STIM1: variants seen among roughly 807,000 people sequenced by gnomAD.
STIM1 encodes the protein stromal interaction molecule 1.
STIM1 carries 25 observed loss-of-function variants against 74.7 expected under a neutral mutation model. That is an observed-to-expected ratio of 0.33 (90% confidence interval 0.24 to 0.47). The LOEUF (loss-of-function observed/expected upper bound fraction) is 0.47, where lower values mean the gene tolerates loss of function less well. STIM1 is among the 20% of genes least tolerant of loss of function. The probability of loss-of-function intolerance (pLI) is 1.00; values close to 1 mark genes in which losing one functional copy is unlikely to be tolerated. For missense variants in STIM1, 728 were observed against 920.8 expected, an observed-to-expected ratio of 0.79 and a Z score of 2.71; for synonymous variants, 328 against 348.8, an observed-to-expected ratio of 0.94 and a Z score of 0.66.
intron 2 of STIM1, among the ~76,000 whole-genome samples, chr11:3,987,611 G>C (rs571423339): frequency 6.6e-6 from 1 of 152,276 alleles, no homozygotes; most frequent in South Asian, 2.1e-4. Flanking sequence ...CTTTCAATAT[G>C]TCTGATTAAT....
At chr11:3,868,575 A>T (rs981997270) in intron 1 of STIM1, among the ~76,000 whole-genome samples, 1 of 152,256 alleles carries the variant, frequency 6.6e-6, no homozygotes, top group African/African-American at 2.4e-5. Flanking sequence ...TAAAAATTAT[A>T]CAATTTATAG....
rs1177830059 is a variant in STIM1 at position 3,901,326 on chromosome 11, C to G, written c.139+44917C>G. 2.0e-5 allele frequency among the ~76,000 whole-genome samples: 3 copies of G among 152,186 alleles called. No individual in the cohort carries two copies. The East Asian group carries it at 5.8e-4, about 29-fold the overall frequency. ...GATAAGGAAAGGTATACAGGGTTTT[C>G]TATGTTTTTCTGAACATGTAATCTT... On this transcript the variant is annotated intron_variant, in intron 1 of 12. Transcript: ENST00000526596.
intron 2 of STIM1, among the ~76,000 whole-genome samples, chr11:3,983,268 G>C (rs2093525164): frequency 6.6e-6 from 1 of 152,160 alleles, no homozygotes; most frequent in Non-Finnish European, 1.5e-5. Context: ...AACTTTGATA[G>C]AGATGCAGTG....
At chr11:3,925,139 G>C (rs773389311) in intron 1 of STIM1, among the ~76,000 whole-genome samples, 1 of 152,260 alleles carries the variant, frequency 6.6e-6, no homozygotes, top group Admixed American at 6.5e-5. Context: ...GCTCACGCCT[G>C]TAATCCCAGC....
At chr11:3,996,336 G>A (rs1270800741) in intron 2 of STIM1, among the ~76,000 whole-genome samples, 1 of 152,136 alleles carries the variant, frequency 6.6e-6, no homozygotes, top group African/African-American at 2.4e-5. Context: ...CATCTTATGA[G>A]CCAGGGCAAT....
intron 1 of STIM1, among the ~76,000 whole-genome samples, chr11:3,902,878 A>G (rs534237142): frequency 9.9e-5 from 15 of 152,208 alleles, no homozygotes; most frequent in Non-Finnish European, 2.2e-4. Flanking sequence ...GCAAAGGATC[A>G]TAAATGATCG....
intron 1 of STIM1, among the ~76,000 whole-genome samples, chr11:3,864,857 G>T (rs1228394727): frequency 6.6e-6 from 1 of 152,134 alleles, no homozygotes; most frequent in African/African-American, 2.4e-5. Context: ...GAGTCTTGTG[G>T]AGTCTTTTTA....
At chr11:3,889,571 C>T (rs2091836288) in intron 1 of STIM1, among the ~76,000 whole-genome samples, 1 of 152,036 alleles carries the variant, frequency 6.6e-6, no homozygotes, top group Admixed American at 6.6e-5. Context: ...GATGGAGTTT[C>T]ACCGTGGATA....
At chr11:3,985,620 C>T (rs183216258) in intron 2 of STIM1, among the ~76,000 whole-genome samples, 3 of 152,220 alleles carry the variant, frequency 2.0e-5, no homozygotes, top group African/African-American at 7.2e-5. Flanking sequence ...TAGGCAGAAT[C>T]TGGGCCCCAC....
At chr11:3,973,143 C>G in intron 2 of STIM1, 1 of 414,408 alleles carries the variant, frequency 2.4e-6, no homozygotes, top group Non-Finnish European at 4.7e-6. Context: ...CCTCTATAAC[C>G]ACTGTTGTTA....
chr11:3,970,413 T>C (rs1166757211), intron 2 of STIM1, among the ~76,000 whole-genome samples: 1 of 152,142 alleles, frequency 6.6e-6, no homozygotes, highest in Non-Finnish European at 1.5e-5. Context: ...ACTTCAAACA[T>C]GTATAAGATA....
intron 1 of STIM1, chr11:3,921,714 A>G (rs759481007): frequency 1.3e-5 from 2 of 149,416 alleles, no homozygotes; most frequent in Non-Finnish European, 3.0e-5. Context: ...GAATAAAGTG[A>G]ACATGATAGT....
intron 2 of STIM1, among the ~76,000 whole-genome samples, chr11:4,006,301 C>G (rs532756693): frequency 3.9e-5 from 6 of 152,268 alleles, no homozygotes; most frequent in Non-Finnish European, 7.4e-5. Context: ...GTAAGTTTCC[C>G]AAGGCCTCCC....
At chr11:3,982,985 G>A (rs1011599184) in intron 2 of STIM1, among the ~76,000 whole-genome samples, 3 of 152,124 alleles carry the variant, frequency 2.0e-5, no homozygotes, top group African/African-American at 4.8e-5. Flanking sequence ...AGGCTGGAGT[G>A]CAGTGGCGTG....
chr11:3,929,432 T>G (rs902472702), intron 1 of STIM1, among the ~76,000 whole-genome samples: 1 of 152,334 alleles, frequency 6.6e-6, no homozygotes. Flanking sequence ...GAGATTGGAA[T>G]GGCTTGTTGC....
intron 1 of STIM1, among the ~76,000 whole-genome samples, chr11:3,857,096 GTTTTTTTTTTTGTTTT>G (rs1165613620): frequency 1.3e-5 from 1 of 78,014 alleles, no homozygotes; most frequent in African/African-American, 4.8e-5. Flanking sequence ...CATGCTACAG[GTTTTTTTTTTTGTTTT>G]TTTTTTTTTT....
rs577400972 is a variant in STIM1 at position 4,053,311 on chromosome 11, G to A, written c.386-2215G>A. On this transcript the variant is annotated intron_variant, in intron 3 of 12. Transcript: ENST00000526596. ...GTTTATTGCAGCACTATTCAAAATA[G>A]CAAAGACTTGGAACCAACCCAAATG... is the stretch of plus-strand genomic sequence containing the variant. 2.0e-5 allele frequency among the ~76,000 whole-genome samples: 3 copies of A among 152,266 alleles called. No individual in the cohort carries two copies. In the South Asian group the frequency reaches 6.2e-4, roughly 32 times the overall value.
rs1175591254 is a variant in STIM1 at position 4,047,814 on chromosome 11, GTC to G, written c.386-7706_386-7705del. On this transcript the variant is annotated intron_variant, in intron 3 of 12. Coordinates refer to ENST00000526596, the MANE Select transcript of STIM1 (RefSeq NM_001382567.1). ...AAGCCTCGGTGGCAGAGCAAGACCT[GTC>G]TCTCTTTTTTTTTTTTTTTTGAGAT... Among the ~76,000 whole-genome samples the G allele has an allele frequency of 2.1e-5, 3 of 142,258 alleles. No homozygotes were observed. The East Asian group carries it at 6.3e-4, about 30-fold the overall frequency. The allele number at this position is 142,258 out of a possible 152,430, so 93.3% of individuals were successfully genotyped here. A position where few individuals can be genotyped will look rare whatever the true frequency, so the allele number is the denominator to read the frequency against.
chr11:4,086,815 C>T (rs746854219), intron 12 of STIM1: 6 of 1,536,390 alleles, frequency 3.9e-6, no homozygotes, highest in Non-Finnish European at 4.4e-6. Context: ...TGACACACCC[C>T]CTTCTGACAG....
Sources: allele counts gnomAD v4.1 joint callset (sites outside exome capture counted in the v4.1 genomes callset), GRCh38; gene constraint gnomAD v4.1.1; transcripts MANE v1.5; gene names NCBI Gene and HGNC (gene_info 2026-07-23, HGNC 2026-07-21).